The following ARHGAP44 variants were observed in gnomAD, a reference collection of about 807,000 sequenced individuals.
ARHGAP44 encodes the protein Rho GTPase activating protein 44, also known as rho GTPase-activating protein 44.
In ARHGAP44, 43 loss-of-function variants were observed where a neutral mutation model predicts 106.8. That is an observed-to-expected ratio of 0.40 (90% CI 0.32 to 0.52). The LOEUF is 0.52. Ranked by LOEUF, ARHGAP44 falls within the 20% of genes least tolerant of loss-of-function variation. The probability of loss-of-function intolerance (pLI) is 0.48; values close to 1 mark genes in which losing one functional copy is unlikely to be tolerated. For synonymous variants in ARHGAP44, 439 were observed against 410.3 expected (o/e 1.07, Z -0.85); for missense variants, 866 against 1,050.5 (o/e 0.82, Z 2.43).
At chr17:12,961,186 C>T (rs1049037830) in intron 16 of ARHGAP44, among the ~76,000 whole-genome samples, 1 of 152,180 alleles carries the variant, frequency 6.6e-6, no homozygotes, top group Non-Finnish European at 1.5e-5. Context: ...AGAGTTACCA[C>T]TGCAGATGCA....
Position 12,835,823 on chromosome 17 carries a change from A to C in ARHGAP44, c.53+45932A>C, listed in dbSNP as rs1423564233. On this transcript the variant is annotated intron_variant, in intron 1 of 20. Transcript: ENST00000379672. Reference sequence around the variant, plus strand: ...TTTTTCTCTCCCTCCAGGCGCCAGTAATCACTATTTTACTTTCTGTCTCTG... The same window carrying C: ...TTTTTCTCTCCCTCCAGGCGCCAGTCATCACTATTTTACTTTCTGTCTCTG... Among the ~76,000 whole-genome samples, 4 of 152,280 alleles carry C rather than the reference A, an allele frequency of 2.6e-5. No homozygotes were observed. The East Asian group carries it at 7.7e-4, about 29-fold the overall frequency.
intron 1 of ARHGAP44, among the ~76,000 whole-genome samples, chr17:12,892,239 C>T (rs2150914638): frequency 6.6e-6 from 1 of 152,316 alleles, no homozygotes; most frequent in East Asian, 1.9e-4. Flanking sequence ...TTGACAGTTT[C>T]TTTCTTTCAA....
intron 1 of ARHGAP44, among the ~76,000 whole-genome samples, chr17:12,848,675 C>T (rs1049103185): frequency 3.3e-5 from 5 of 152,154 alleles, no homozygotes; most frequent in Non-Finnish European, 5.9e-5. Flanking sequence ...TTACTAGACT[C>T]AGCTCCTTGA....
Position 12,984,885 on chromosome 17 carries a change from C to T in ARHGAP44, c.2294C>T (p.Ser765Phe), listed in dbSNP as rs552588983. The T allele has an allele frequency of 3.4e-5, 55 of 1,611,086 alleles. No individual in the cohort carries two copies. The Middle Eastern group carries it at 2.2e-3, about 63-fold the overall frequency. The change falls in exon 20 of 21, where the codon TCC becomes TTC. Residue 765 changes from serine (S) to phenylalanine (F), a missense_variant. Coordinates refer to ENST00000379672, the MANE Select transcript of ARHGAP44 (RefSeq NM_014859.6). ...GAGGCCCCCATGCTAGATGGCATGTCCCCTGGGGAAAGCATGTCTACAGGT... is the reference window on the plus strand; with the variant it reads ...GAGGCCCCCATGCTAGATGGCATGTTCCCTGGGGAAAGCATGTCTACAGGT... ...STEAPMLDGM[S>F]PGESMSTDLV... is the part of the protein sequence containing the mutation.
At chr17:12,796,134 GTATA>G (rs1338247794) in intron 1 of ARHGAP44, among the ~76,000 whole-genome samples, 2 of 37,952 alleles carry the variant, frequency 5.3e-5, no homozygotes, top group African/African-American at 9.5e-5. Context: ...TTTTTGAGAA[GTATA>G]TCTATCTATC....
chr17:12,978,665 G>A (rs1264049616), intron 18 of ARHGAP44, among the ~76,000 whole-genome samples: 2 of 149,382 alleles, frequency 1.3e-5, no homozygotes, highest in Non-Finnish European at 3.0e-5. Context: ...GGCTGTGCCT[G>A]CCTTTTTTTT....
intron 1 of ARHGAP44, among the ~76,000 whole-genome samples, chr17:12,859,080 C>G (rs955171485): frequency 2.6e-5 from 4 of 152,182 alleles, no homozygotes; most frequent in Non-Finnish European, 1.5e-5. Flanking sequence ...GGTGGGGACA[C>G]AGCCAGACCA....
At chr17:12,856,065 G>C (rs770198208) in intron 1 of ARHGAP44, among the ~76,000 whole-genome samples, 1 of 152,166 alleles carries the variant, frequency 6.6e-6, no homozygotes, top group Non-Finnish European at 1.5e-5. Flanking sequence ...CGGTATCCCC[G>C]CAATGGGAGA....
At chr17:12,790,950 A>G (rs2033734093) in intron 1 of ARHGAP44, among the ~76,000 whole-genome samples, 1 of 152,114 alleles carries the variant, frequency 6.6e-6, no homozygotes, top group African/African-American at 2.4e-5. Context: ...TGCAAGCTCA[A>G]CACCTCGAGG....
chr17:12,978,703 T>C (rs2039758049), intron 18 of ARHGAP44, among the ~76,000 whole-genome samples: 1 of 147,048 alleles, frequency 6.8e-6, no homozygotes. Flanking sequence ...TTTTCTTTTT[T>C]TTTTTGACAG....
chr17:12,874,775 T>G (rs1291821226), intron 1 of ARHGAP44, among the ~76,000 whole-genome samples: 1 of 150,830 alleles, frequency 6.6e-6, no homozygotes, highest in East Asian at 1.9e-4. Flanking sequence ...TTAAACATTC[T>G]ACTCCATTTT....
intron 7 of ARHGAP44, 32 bp from the exon 8 acceptor site, chr17:12,941,024 T>G: frequency 2.5e-6 from 4 of 1,607,596 alleles, no homozygotes; most frequent in Non-Finnish European, 3.4e-6. Context: ...TGGTTTATGT[T>G]TTACCTTGGT....
At chr17:12,880,546 C>T (rs991166887) in intron 1 of ARHGAP44, among the ~76,000 whole-genome samples, 1 of 152,032 alleles carries the variant, frequency 6.6e-6, no homozygotes, top group African/African-American at 2.4e-5. Flanking sequence ...CTAAGAGTCA[C>T]TCATGTTGTT....
chr17:12,799,033 T>G (rs185531479), intron 1 of ARHGAP44, among the ~76,000 whole-genome samples: 3 of 152,362 alleles, frequency 2.0e-5, no homozygotes, highest in Admixed American at 1.3e-4. Context: ...TTTACAATTC[T>G]GTTTTTCCCT....
At chr17:12,841,635 C>CAAAAAAAAAAAAAA (rs1232144002) in intron 1 of ARHGAP44, among the ~76,000 whole-genome samples, 3 of 87,754 alleles carry the variant, frequency 3.4e-5, no homozygotes, top group African/African-American at 1.2e-4. Flanking sequence ...CACACACACA[C>CAAAAAAAAAAAAAA]ACACAAACAA....
chr17:12,983,798 C>T (rs2039890485), intron 19 of ARHGAP44, among the ~76,000 whole-genome samples: 1 of 151,968 alleles, frequency 6.6e-6, no homozygotes, highest in Non-Finnish European at 1.5e-5. Context: ...AAGCAAAGCT[C>T]CGTCTCCAAA....
rs2036900167 is a variant in ARHGAP44 at position 12,886,971 on chromosome 17, T to G, written c.54-7969T>G. On this transcript the variant is annotated intron_variant, in intron 1 of 20. Transcript: ENST00000379672. ...ACTCCTAGTTTTCTAAGAGTTTTTT[T>G]TTTGTTTTTTTTTTTTACCATGAAT... 5.9e-5 allele frequency among the ~76,000 whole-genome samples: 7 copies of G among 118,488 alleles called. No individual in the cohort carries two copies. In the South Asian group the frequency reaches 2.5e-3, roughly 42 times the overall value. 77.7% of individuals were successfully genotyped at this position (118,488 alleles called of 152,430 possible).
intron 20 of ARHGAP44, chr17:12,987,785 G>C (rs2039996982): frequency 6.6e-6 from 1 of 152,256 alleles, no homozygotes; most frequent in South Asian, 2.1e-4. Flanking sequence ...ATCCCAAGTG[G>C]ATATGGCCAG....
chr17:12,834,561 C>T (rs1045428560), intron 1 of ARHGAP44, among the ~76,000 whole-genome samples: 18 of 152,162 alleles, frequency 1.2e-4, no homozygotes, highest in African/African-American at 4.3e-4. Context: ...GTTGCTTATT[C>T]ATTCTACTAG....
Sources: allele counts gnomAD v4.1 joint callset (sites outside exome capture counted in the v4.1 genomes callset), GRCh38; gene constraint gnomAD v4.1.1; transcripts MANE v1.5; gene names NCBI Gene and HGNC (gene_info 2026-07-23, HGNC 2026-07-21).